IL1RAPL2: variants seen among roughly 807,000 people sequenced by gnomAD.
IL1RAPL2 encodes interleukin 1 receptor accessory protein like 2, also known as X-linked interleukin-1 receptor accessory protein-like 2.
In IL1RAPL2, 3 loss-of-function variants were observed where a neutral mutation model predicts 44.1. That is an observed-to-expected ratio of 0.07 (90% confidence interval 0.03 to 0.18). IL1RAPL2 has a LOEUF of 0.18. Among genes scored for constraint, IL1RAPL2 ranks in the 10% least tolerant of loss-of-function variants. The probability of loss-of-function intolerance (pLI) is 1.00; values close to 1 mark genes in which losing one functional copy is unlikely to be tolerated. For missense variants in IL1RAPL2, 391 were observed against 496.4 expected (o/e 0.79, Z 2.02); for synonymous variants, 181 against 178.8 (o/e 1.01, Z -0.10).
At chrX:105,184,307 G>A (rs1039767732) in intron 2 of IL1RAPL2, among the ~76,000 whole-genome samples, 2 of 110,744 alleles carry the variant, frequency 1.8e-5, no homozygotes, top group Admixed American at 1.9e-4. Context: ...CCTCTAGTAA[G>A]CCATCTTGAA....
chrX:104,695,137 A>G (rs2147548562), intron 2 of IL1RAPL2, among the ~76,000 whole-genome samples: 1 of 112,514 alleles, frequency 8.9e-6, no homozygotes, highest in African/African-American at 3.2e-5. Flanking sequence ...TTTCAGTGAG[A>G]TGATTCCTTT....
intron 5 of IL1RAPL2, among the ~76,000 whole-genome samples, chrX:105,453,118 A>G (rs2036030614): frequency 9.0e-6 from 1 of 111,325 alleles, no homozygotes; most frequent in Non-Finnish European, 1.9e-5. Context: ...ACTGGAAAAT[A>G]ATTTAAGTGT....
intron 5 of IL1RAPL2, among the ~76,000 whole-genome samples, chrX:105,293,043 C>T (rs1400887180): frequency 6.2e-5 from 6 of 96,800 alleles, no homozygotes; most frequent in African/African-American, 2.4e-4. Flanking sequence ...ACCCAGGAGG[C>T]GGAGGTTGCA....
intron 2 of IL1RAPL2, among the ~76,000 whole-genome samples, chrX:104,664,646 T>C (rs952154170): frequency 8.9e-6 from 1 of 112,131 alleles, no homozygotes; most frequent in East Asian, 2.8e-4. Context: ...ATTCTTTGGG[T>C]GCTTTCTGTC....
At chrX:105,173,882 G>A (rs768521447) in intron 2 of IL1RAPL2, among the ~76,000 whole-genome samples, 1 of 110,269 alleles carries the variant, frequency 9.1e-6, no homozygotes. Context: ...ACAGGCACCC[G>A]CCACCATGCC....
intron 2 of IL1RAPL2, among the ~76,000 whole-genome samples, chrX:104,687,820 A>G (rs1344693652): frequency 9.0e-6 from 1 of 111,455 alleles, no homozygotes; most frequent in Non-Finnish European, 1.9e-5. Context: ...AGTCCAAGCC[A>G]CCATCATCCC....
chrX:104,597,998 T>A (rs552768371), intron 1 of IL1RAPL2, among the ~76,000 whole-genome samples: 1 of 112,096 alleles, frequency 8.9e-6, no homozygotes, highest in Non-Finnish European at 1.9e-5. Context: ...TGTGGGGCAG[T>A]TATGTTTCAG....
chrX:105,189,532 C>A (rs2033617556), intron 2 of IL1RAPL2, among the ~76,000 whole-genome samples: 1 of 112,261 alleles, frequency 8.9e-6, no homozygotes, highest in African/African-American at 3.2e-5. Flanking sequence ...CACAGGCTCA[C>A]ACACAACTAT....
At chrX:104,646,188 T>C (rs1438507522) in intron 1 of IL1RAPL2, among the ~76,000 whole-genome samples, 1 of 111,915 alleles carries the variant, frequency 8.9e-6, no homozygotes, top group Non-Finnish European at 1.9e-5. Flanking sequence ...TGATTTGGAA[T>C]AATAGAATAA....
chrX:105,028,025 C>T (rs977687067), intron 2 of IL1RAPL2, among the ~76,000 whole-genome samples: 2 of 111,530 alleles, frequency 1.8e-5, no homozygotes, highest in Non-Finnish European at 3.8e-5. Context: ...CAGTCATTTG[C>T]AGCAACATGG....
In IL1RAPL2 at chrX:105,495,817, C is replaced by T. The variant is rs6652925; in HGVS notation, c.772+11430C>T. On this transcript the variant is annotated intron_variant, in intron 6 of 10. Transcript: ENST00000372582. ...AAATAAAATTCTAGGCGTCTCTCCC[C>T]GCCACAACCATCTGAGTGGACTCCT... Among the ~76,000 whole-genome samples the T allele has an allele frequency of 1.5e-3, 162 of 110,982 alleles. 1 individual carries two copies. Among genetic ancestry groups the T allele is most frequent in the African/African-American group, 4.9e-3 (150 of 30,507 alleles).
At chrX:105,051,887 G>C (rs910249843) in intron 2 of IL1RAPL2, among the ~76,000 whole-genome samples, 3 of 112,264 alleles carry the variant, frequency 2.7e-5, no homozygotes, top group African/African-American at 9.7e-5. Flanking sequence ...ATGAGGAAAC[G>C]GAACTTAAGA....
chrX:105,679,412 T>C (rs952262689), intron 6 of IL1RAPL2, among the ~76,000 whole-genome samples: 1 of 111,980 alleles, frequency 8.9e-6, no homozygotes, highest in African/African-American at 3.2e-5. Flanking sequence ...TGATTAAGGA[T>C]TTATTTTATT....
chrX:104,945,293 A>G (rs779428001), intron 2 of IL1RAPL2, among the ~76,000 whole-genome samples: 1 of 110,917 alleles, frequency 9.0e-6, no homozygotes, highest in African/African-American at 3.3e-5. Flanking sequence ...TATAATAAAT[A>G]TTACTATTTA....
intron 5 of IL1RAPL2, chrX:105,406,205 A>G: frequency 8.7e-6 from 10 of 1,145,055 alleles, no homozygotes; most frequent in Non-Finnish European, 1.2e-5. Flanking sequence ...TTTAGTGAAT[A>G]AAGAACCTGA....
At chrX:105,184,152 C>T (rs782359576) in intron 2 of IL1RAPL2, among the ~76,000 whole-genome samples, 24 of 111,627 alleles carry the variant, frequency 2.2e-4, no homozygotes, top group Non-Finnish European at 2.6e-4. Flanking sequence ...GCCAAGCAAG[C>T]GGCCTCACTT....
At chrX:105,551,219 C>T (rs898166419) in intron 6 of IL1RAPL2, among the ~76,000 whole-genome samples, 8 of 106,374 alleles carry the variant, frequency 7.5e-5, no homozygotes, top group Non-Finnish European at 1.3e-4. Flanking sequence ...CCCATTATGT[C>T]TTGAACATAC....
chrX:105,453,326 A>G (rs1179560978), intron 5 of IL1RAPL2, among the ~76,000 whole-genome samples: 1 of 112,317 alleles, frequency 8.9e-6, no homozygotes, highest in Non-Finnish European at 1.9e-5. Context: ...ATATTCTCCC[A>G]TGTGCAAGGC....
chrX:104,729,207 A>G (rs1931854588), intron 2 of IL1RAPL2, among the ~76,000 whole-genome samples: 1 of 111,752 alleles, frequency 8.9e-6, no homozygotes, highest in Non-Finnish European at 1.9e-5. Flanking sequence ...TTCAAGTATA[A>G]AATTAAGTTC....
Sources: gnomAD v4.1 joint callset for allele counts (sites outside exome capture counted in the v4.1 genomes callset) on GRCh38, gnomAD v4.1.1 for gene constraint, MANE v1.5 for transcripts, NCBI Gene and HGNC (gene_info 2026-07-23, HGNC 2026-07-21) for gene names.